ADAM23: variants seen among roughly 807,000 people sequenced by gnomAD.
ADAM23 encodes ADAM metallopeptidase domain 23.
A neutral mutation model predicts 120.1 loss-of-function variants in ADAM23; 33 were observed. That is an observed-to-expected ratio of 0.27 (90% CI 0.21 to 0.37). The LOEUF (loss-of-function observed/expected upper bound fraction) is 0.37. ADAM23 is among the 10% of genes least tolerant of loss of function. ADAM23 has a pLI of 1.00. For missense variants in ADAM23, 862 were observed against 1,058.2 expected (o/e 0.81, Z 2.57); for synonymous variants, 367 against 375.2 (o/e 0.98, Z 0.25).
At chr2:206,597,835 G>A (rs1698559687) in intron 24 of ADAM23, among the ~76,000 whole-genome samples, 1 of 152,186 alleles carries the variant, frequency 6.6e-6, no homozygotes, top group Admixed American at 6.5e-5. Flanking sequence ...GTTTATATGG[G>A]AAAAGATGAT....
At chr2:206,449,525 T>G (rs1695148504) in intron 2 of ADAM23, among the ~76,000 whole-genome samples, 1 of 152,188 alleles carries the variant, frequency 6.6e-6, no homozygotes, top group Non-Finnish European at 1.5e-5. Flanking sequence ...CCCAGCACTC[T>G]GGGAGGCTGA....
Position 206,594,864 on chromosome 2 carries a change from T to C in ADAM23, c.2206T>C (p.Cys736Arg). 1 of 1,614,126 alleles carries C rather than the reference T, an allele frequency of 6.2e-7. No homozygotes were observed. Among genetic ancestry groups the C allele is most frequent in the Non-Finnish European group, 8.5e-7 (1 of 1,179,974 alleles). ...AATTCAAGCCCTAAATATGAGCAGC[T>C]GTCCACTCGATTCCAAGGGTAAAGT... Reference protein sequence around the residue: ...LQIQALNMSSCPLDSKGKVCS... With the variant: ...LQIQALNMSSRPLDSKGKVCS... The change falls in exon 23 of 26, where the codon TGT becomes CGT. Residue 736 changes from cysteine (C) to arginine (R), a missense_variant. This residue lies in a region of ADAM23 where 617 missense variants were observed against 813.5 expected (regional missense o/e 0.76). Coordinates refer to ENST00000264377, the MANE Select transcript of ADAM23 (RefSeq NM_003812.4).
chr2:206,587,311 A>C lies in ADAM23; in HGVS notation c.1738-14A>C. 1.3e-6 allele frequency: 2 copies of C among 1,594,422 alleles called. No individual in the cohort carries two copies. ...AGCATGCTGAATATTAACTAAAAAG[A>C]TAATATTTTGCAGTGCCCACCAAAT... On this transcript the variant is annotated splice_polypyrimidine_tract_variant and intron_variant, in intron 18 of 25. Transcript: ENST00000264377.
chr2:206,470,394 C>G (rs1475155638), intron 2 of ADAM23, among the ~76,000 whole-genome samples: 1 of 152,054 alleles, frequency 6.6e-6, no homozygotes, highest in East Asian at 1.9e-4. Flanking sequence ...ATAGGAGATT[C>G]TGCATAGTGG....
Position 206,476,183 on chromosome 2 carries a change from T to C in ADAM23, c.433-5049T>C, listed in dbSNP as rs143648622. 5.1e-3 allele frequency among the ~76,000 whole-genome samples: 778 copies of C among 152,330 alleles called. 27 individuals are homozygous for C. Among genetic ancestry groups the C allele is most frequent in the Admixed American group, 0.046 (697 of 15,290 alleles). ...GTTTGCTTAGGCCTGCTTGATACCC[T>C]AAAGGGCTTCTTACCTCTGTTTGTA... On this transcript the variant is annotated intron_variant, in intron 2 of 25. Coordinates refer to ENST00000264377, the MANE Select transcript of ADAM23 (RefSeq NM_003812.4).
rs764778173 is a variant in ADAM23 at position 206,574,461 on chromosome 2, A to G, written c.1737+1266A>G. The stretch of plus-strand genomic sequence containing the variant: ...TTTTTTTCTTCCTAATTTCTCCTTC[A>G]TAATTAGTTATCTTTATATGATTTA... On this transcript the variant is annotated intron_variant, in intron 18 of 25. Transcript: ENST00000264377. Among the ~76,000 whole-genome samples, 26 of 144,062 alleles carry G rather than the reference A, an allele frequency of 1.8e-4. 1 individual carries two copies. Among genetic ancestry groups the G allele is most frequent in the African/African-American group, 4.9e-4 (19 of 38,608 alleles). The allele number at this position is 144,062 out of a possible 152,430, so 94.5% of individuals were successfully genotyped here.
intron 4 of ADAM23, among the ~76,000 whole-genome samples, chr2:206,532,162 A>C (rs1159279680): frequency 1.3e-5 from 2 of 152,090 alleles, no homozygotes; most frequent in East Asian, 3.9e-4. Context: ...CATTTGTACA[A>C]ACTGAAGCTT....
chr2:206,563,913 G>A (rs1697822748), intron 13 of ADAM23, among the ~76,000 whole-genome samples: 1 of 151,834 alleles, frequency 6.6e-6, no homozygotes, highest in African/African-American at 2.4e-5. Flanking sequence ...TGTATTTTTA[G>A]TAGAGATGGG....
chr2:206,496,899 T>G (rs1559234350), intron 3 of ADAM23, among the ~76,000 whole-genome samples: 1 of 152,146 alleles, frequency 6.6e-6, no homozygotes, highest in Non-Finnish European at 1.5e-5. Context: ...CTAGAAAATC[T>G]AGAAGAAATG....
chr2:206,588,208 GTTC>G (rs1395839131), intron 20 of ADAM23, 54 bp downstream of exon 20: 16 of 1,573,296 alleles, frequency 1.0e-5, no homozygotes, highest in Admixed American at 3.4e-5. Flanking sequence ...TCTTAATAGT[GTTC>G]TTCTCTGCCA....
chr2:206,499,606 T>A (rs570950655), intron 3 of ADAM23, among the ~76,000 whole-genome samples: 2 of 151,976 alleles, frequency 1.3e-5, no homozygotes, highest in African/African-American at 4.8e-5. Flanking sequence ...AACCTGCACG[T>A]TGTGCACATG....
intron 2 of ADAM23, among the ~76,000 whole-genome samples, chr2:206,470,411 T>A (rs921999764): frequency 6.6e-6 from 1 of 152,188 alleles, no homozygotes; most frequent in South Asian, 2.1e-4. Flanking sequence ...GTGGTCAGTA[T>A]TCTAAATGTT....
intron 24 of ADAM23, among the ~76,000 whole-genome samples, chr2:206,597,509 G>A (rs1481497029): frequency 6.6e-6 from 1 of 151,920 alleles, no homozygotes; most frequent in Non-Finnish European, 1.5e-5. Flanking sequence ...CAGGAGTATG[G>A]TAATCATTTT....
At chr2:206,555,144 C>T (rs1467512155) in intron 9 of ADAM23, among the ~76,000 whole-genome samples, 4 of 152,136 alleles carry the variant, frequency 2.6e-5, no homozygotes, top group Non-Finnish European at 4.4e-5. Flanking sequence ...ACTTTTAGCT[C>T]TAGCCCCTTA....
At chr2:206,480,075 G>A (rs933752982) in intron 2 of ADAM23, among the ~76,000 whole-genome samples, 1 of 152,122 alleles carries the variant, frequency 6.6e-6, no homozygotes, top group Admixed American at 6.6e-5. Context: ...ATATGTTGTG[G>A]AGCTTACCAC....
At chr2:206,580,343 G>A (rs966905409) in intron 18 of ADAM23, among the ~76,000 whole-genome samples, 1 of 152,112 alleles carries the variant, frequency 6.6e-6, no homozygotes, top group Admixed American at 6.5e-5. Context: ...GTATTATGCT[G>A]GCTGTGGGTT....
rs568770334 is a variant in ADAM23 at position 206,492,008 on chromosome 2, T to C, written c.509+10700T>C. ...AGCACTTTTATTTCACAAATGTTTA[T>C]TGAGTGCCTGCTAAGTGCCAGGCAC... is the stretch of plus-strand genomic sequence containing the variant. On this transcript the variant is annotated intron_variant, in intron 3 of 25. Transcript: ENST00000264377. 6.5e-4 allele frequency among the ~76,000 whole-genome samples: 99 copies of C among 152,344 alleles called. 1 individual carries two copies. Among genetic ancestry groups the C allele is most frequent in the African/African-American group, 2.1e-3 (88 of 41,580 alleles).
intron 2 of ADAM23, among the ~76,000 whole-genome samples, chr2:206,461,348 A>G (rs1157348981): frequency 3.3e-5 from 5 of 152,072 alleles, no homozygotes; most frequent in Admixed American, 3.3e-4. Flanking sequence ...GGCGTGACCC[A>G]TCGCGTCTGG....
In ADAM23 at chr2:206,610,440, T is replaced by C. The variant is rs372464517; in HGVS notation, c.2450+440T>C. On this transcript the variant is annotated intron_variant, in intron 25 of 25. Coordinates refer to ENST00000264377, the MANE Select transcript of ADAM23 (RefSeq NM_003812.4). ...AATTATGCAATCATTACTTGTATTT[T>C]TCATATGTAACATAGTATATGTAGC... Among the ~76,000 whole-genome samples, 19 of 152,370 alleles carry C rather than the reference T, an allele frequency of 1.2e-4. No individual in the cohort carries two copies. In the South Asian group the frequency reaches 3.9e-3, roughly 32 times the overall value.
Sources: gnomAD v4.1 joint callset for allele counts (sites outside exome capture counted in the v4.1 genomes callset) on GRCh38, gnomAD v4.1.1 for gene constraint, gnomAD v4.1.1 regional missense constraint, MANE v1.5 for transcripts, NCBI Gene and HGNC (gene_info 2026-07-23, HGNC 2026-07-21) for gene names.